BCAS4: variants seen among roughly 807,000 people sequenced by gnomAD.
BCAS4 encodes the protein breast carcinoma-amplified sequence 4.
BCAS4 carries 9 observed loss-of-function variants against 15.7 expected under a neutral mutation model. The observed-to-expected ratio is 0.57, with a 90% confidence interval of 0.34 to 1.00. The LOEUF (loss-of-function observed/expected upper bound fraction) is 1.00. Among genes scored for constraint, BCAS4 ranks in the 50% least tolerant of loss-of-function variants. The pLI is 0.02. For synonymous variants in BCAS4, 101 were observed against 99.5 expected (o/e 1.02, Z -0.09); for missense variants, 225 against 239.1 (o/e 0.94, Z 0.39).
chr20:50,825,644 A>C (rs887430933), intron 2 of BCAS4, among the ~76,000 whole-genome samples: 2 of 152,100 alleles, frequency 1.3e-5, no homozygotes, highest in Non-Finnish European at 2.9e-5. Flanking sequence ...TGGGAAGCCA[A>C]GGTGGGAGGA....
intron 4 of BCAS4, among the ~76,000 whole-genome samples, chr20:50,867,582 C>G (rs973907517): frequency 6.6e-6 from 1 of 152,060 alleles, no homozygotes; most frequent in African/African-American, 2.4e-5. Flanking sequence ...GGTCTTGAAA[C>G]CCTGCACTCA....
At chr20:50,880,799 T>G (rs926903574), downstream of BCAS4, 3 of 152,260 alleles carry the variant, frequency 2.0e-5, no homozygotes, top group African/African-American at 7.2e-5. Context: ...TGTATCTGAT[T>G]GGCAGAAATG....
chr20:50,841,937 C>T, intron 4 of BCAS4, 37 bp downstream of exon 4: 1 of 1,527,770 alleles, frequency 6.5e-7, no homozygotes, highest in Non-Finnish European at 8.8e-7. Flanking sequence ...GGGAGGGCCT[C>T]TCCCCCTTCG....
intron 4 of BCAS4, among the ~76,000 whole-genome samples, chr20:50,867,955 T>C (rs1389605726): frequency 6.6e-6 from 1 of 152,184 alleles, no homozygotes; most frequent in African/African-American, 2.4e-5. Context: ...GTGATGGGAT[T>C]ACAGGCATGA....
chr20:50,830,407 A>C, intron 3 of BCAS4, 27 bp downstream of exon 3: 1 of 1,583,154 alleles, frequency 6.3e-7, no homozygotes, highest in Non-Finnish European at 8.6e-7. Flanking sequence ...GAAGGTTCTG[A>C]GGCTGTGGAC....
At chr20:50,834,399 G>A (rs866672502) in intron 3 of BCAS4, among the ~76,000 whole-genome samples, 1 of 149,894 alleles carries the variant, frequency 6.7e-6, no homozygotes, top group African/African-American at 2.5e-5. Flanking sequence ...AGGTTCGAGC[G>A]ATTCTCCTGC....
rs957767177 is a variant in BCAS4, at chr20:50,851,252, C to G, written c.399+9352C>G. 1.3e-5 allele frequency among the ~76,000 whole-genome samples: 2 copies of G among 152,200 alleles called. No homozygotes were observed. The highest frequency in any genetic ancestry group is 1.3e-4 in the Admixed American group (2 of 15,284). On this transcript the variant is annotated intron_variant, in intron 4 of 4. Coordinates refer to ENST00000371608, the MANE Select transcript of BCAS4 (RefSeq NM_198799.4). The surrounding 1 kb of genome is among the most constrained non-coding windows in gnomAD (Gnocchi z 4.3). ...CCAGCCACTGCTTCTCCTGCTGCCC[C>G]CATCAGCCCTTGCAGTAAAAATGCA... is the stretch of plus-strand genomic sequence containing the variant.
rs8124708 is a variant in BCAS4, at chr20:50,845,748, C to T, written c.399+3848C>T. ...GTCTGTTCCTCACCCACCCGTGCTG[C>T]CTCCAAAGGGTCCATGGAGTGGAGA... On this transcript the variant is annotated intron_variant, in intron 4 of 4. Coordinates refer to ENST00000371608, the MANE Select transcript of BCAS4 (RefSeq NM_198799.4). Among the ~76,000 whole-genome samples, 385 of 152,374 alleles carry T rather than the reference C, an allele frequency of 2.5e-3. 2 individuals carry two copies. Among genetic ancestry groups the T allele is most frequent in the African/African-American group, 8.1e-3 (337 of 41,596 alleles).
At chr20:50,855,028 C>T (rs1978679783) in intron 4 of BCAS4, among the ~76,000 whole-genome samples, 2 of 152,172 alleles carry the variant, frequency 1.3e-5, no homozygotes. Flanking sequence ...TGTCTCAAGC[C>T]ATGCTGGGTC....
chr20:50,800,558 CCT>C (rs1491486726), intron 1 of BCAS4, among the ~76,000 whole-genome samples: 1 of 137,518 alleles, frequency 7.3e-6, no homozygotes, highest in African/African-American at 2.9e-5. Flanking sequence ...TTTGAACATC[CCT>C]TTTTTTTTTT....
intron 4 of BCAS4, among the ~76,000 whole-genome samples, chr20:50,867,634 C>T (rs1979423991): frequency 6.6e-6 from 1 of 152,156 alleles, no homozygotes; most frequent in Non-Finnish European, 1.5e-5. Context: ...CTGGGATTGG[C>T]CAGGCATGGT....
intron 4 of BCAS4, among the ~76,000 whole-genome samples, chr20:50,844,783 C>G (rs1348376575): frequency 1.3e-5 from 2 of 152,146 alleles, no homozygotes; most frequent in African/African-American, 4.8e-5. Flanking sequence ...ATGCTGGGAC[C>G]TGCACCCTCT....
At chr20:50,853,680 TGG>T (rs1182323331) in intron 4 of BCAS4, among the ~76,000 whole-genome samples, 1 of 126,328 alleles carries the variant, frequency 7.9e-6, no homozygotes, top group African/African-American at 3.0e-5. Context: ...TTTTGTGTAC[TGG>T]GGGGTGTTTT....
intron 4 of BCAS4, among the ~76,000 whole-genome samples, chr20:50,862,755 T>A (rs1979151150): frequency 6.6e-6 from 1 of 151,480 alleles, no homozygotes; most frequent in South Asian, 2.1e-4. Context: ...AAGGAATTTC[T>A]CCAGGCCTGG....
At chr20:50,853,868 G>A (rs557146545) in intron 4 of BCAS4, among the ~76,000 whole-genome samples, 1 of 151,482 alleles carries the variant, frequency 6.6e-6, no homozygotes, top group South Asian at 2.1e-4. Context: ...TTGTATACTC[G>A]GGGATGTTTT....
intron 1 of BCAS4, among the ~76,000 whole-genome samples, chr20:50,816,696 G>A (rs1230660086): frequency 1.3e-5 from 2 of 150,922 alleles, no homozygotes; most frequent in Admixed American, 6.6e-5. Flanking sequence ...TCACTCTGTC[G>A]CCCAGCCTGG....
chr20:50,815,318 G>A (rs1259220729), intron 1 of BCAS4, among the ~76,000 whole-genome samples: 7 of 152,156 alleles, frequency 4.6e-5, no homozygotes, highest in Non-Finnish European at 8.8e-5. Flanking sequence ...ATGGGCTTCC[G>A]TGGCCTCCCA....
At chr20:50,808,573 C>T (rs2088022671) in intron 1 of BCAS4, among the ~76,000 whole-genome samples, 1 of 152,248 alleles carries the variant, frequency 6.6e-6, no homozygotes, top group Non-Finnish European at 1.5e-5. Flanking sequence ...GGTGGTATCG[C>T]ATTGTGGTTT....
At chr20:50,832,111 C>G (rs1246741589) in intron 3 of BCAS4, among the ~76,000 whole-genome samples, 1 of 151,992 alleles carries the variant, frequency 6.6e-6, no homozygotes, top group Non-Finnish European at 1.5e-5. Flanking sequence ...CAGGAGAGAC[C>G]CTCAGCAGGG....
Sources: allele counts gnomAD v4.1 joint callset (sites outside exome capture counted in the v4.1 genomes callset), GRCh38; gene constraint gnomAD v4.1.1; non-coding constraint Gnocchi (gnomAD v3.1); transcripts MANE v1.5; gene names NCBI Gene and HGNC (gene_info 2026-07-23, HGNC 2026-07-21).